Variants in ZRANB3 observed in about 807,000 individuals in gnomAD.
ZRANB3 encodes DNA annealing helicase and endonuclease ZRANB3.
A neutral mutation model predicts 133.8 loss-of-function variants in ZRANB3; 125 were observed. The observed-to-expected ratio is 0.93, with a 90% CI of 0.81 to 1.08. The LOEUF (loss-of-function observed/expected upper bound fraction) is 1.08, where lower values mean the gene tolerates loss of function less well. Among genes scored for constraint, ZRANB3 ranks in the 50% least tolerant of loss-of-function variants. The pLI is 0.00. For missense variants in ZRANB3, 1,229 were observed against 1,275.5 expected, an observed-to-expected ratio of 0.96 and a Z score of 0.56; for synonymous variants, 387 against 432.7, an observed-to-expected ratio of 0.89 and a Z score of 1.31.
chr2:135,335,692 CAAACA>C (rs554931885), intron 6 of ZRANB3, among the ~76,000 whole-genome samples: 99 of 151,806 alleles, frequency 6.5e-4, no homozygotes, highest in East Asian at 1.5e-3. Flanking sequence ...GACTCTGTCT[CAAACA>C]AAACAAAACA....
Position 135,366,656 on chromosome 2 carries a change from G to GA in ZRANB3, c.181-13029dup, listed in dbSNP as rs199654030. ...GTTTAAATTGAGTTAGGCAATAAAAGAAAAAAAAAGGACTACTAAGAAAAA... is the reference window on the plus strand; with the variant it reads ...GTTTAAATTGAGTTAGGCAATAAAAGAAAAAAAAAAGGACTACTAAGAAAAA... On this transcript the variant is annotated intron_variant, in intron 3 of 20. Transcript: ENST00000264159. Among the ~76,000 whole-genome samples the GA allele has an allele frequency of 1.2e-4, 18 of 148,424 alleles. No individual in the cohort carries two copies. In the South Asian group the frequency reaches 1.5e-3, roughly 12 times the overall value.
intron 18 of ZRANB3, among the ~76,000 whole-genome samples, chr2:135,208,405 A>G (rs1693968000): frequency 6.6e-6 from 1 of 152,254 alleles, no homozygotes; most frequent in Non-Finnish European, 1.5e-5. Context: ...ATGATAGGAT[A>G]CAAAACATGA....
In ZRANB3 at chr2:135,265,622, T is replaced by G. The variant is rs202055620; in HGVS notation, c.1451A>C (p.Lys484Thr). The G allele has an allele frequency of 5.1e-5, 82 of 1,613,624 alleles. No homozygotes were observed. Among genetic ancestry groups the G allele is most frequent in the Non-Finnish European group, 6.9e-5 (81 of 1,179,800 alleles). The change falls in exon 12 of 21, where the codon AAG (lysine) becomes ACG (threonine). Residue 484 changes from lysine (K) to threonine (T), a missense_variant. Coordinates refer to ENST00000264159, the MANE Select transcript of ZRANB3 (RefSeq NM_032143.4). ...AAACTGCAGGAAATCCCATTTTTCC[T>G]TATCACCTTCCTCAGCCTGAATTTT... ...KEKIQAEEGD[K>T]EKWDFLQFAE... is the part of the protein sequence containing the mutation.
intron 12 of ZRANB3, among the ~76,000 whole-genome samples, chr2:135,253,790 C>T (rs934950201): frequency 6.6e-6 from 1 of 152,278 alleles, no homozygotes; most frequent in East Asian, 1.9e-4. Flanking sequence ...CATATGTGAT[C>T]GTAGTTGACC....
At chr2:135,228,250 C>A in intron 13 of ZRANB3, 30 of 278,272 alleles carry the variant, frequency 1.1e-4, no homozygotes, top group East Asian at 2.1e-4. Flanking sequence ...CAGAGAAAGA[C>A]AATAAAATTA....
At position 135,198,841 on chromosome 2, in the gene ZRANB3, G is replaced by A. The variant is rs985141215; in HGVS notation, c.*1501C>T. ...GAAATAGAAACTGAGGAACAACTGT[G>A]GTTGTATAATCTTTGATTGTATAAT... On this transcript the variant is annotated 3_prime_UTR_variant, in exon 21 of 21. Coordinates refer to ENST00000264159, the MANE Select transcript of ZRANB3 (RefSeq NM_032143.4). 2.0e-5 allele frequency: 3 copies of A among 152,168 alleles called. No homozygotes were observed. In the South Asian group the frequency reaches 6.2e-4, roughly 32 times the overall value. 9.4% of individuals were successfully genotyped at this position (152,168 alleles called of 1,614,324 possible).
chr2:135,430,908 T>A (rs187576886), intron 2 of ZRANB3, among the ~76,000 whole-genome samples: 97 of 152,160 alleles, frequency 6.4e-4, no homozygotes, highest in Middle Eastern at 6.8e-3. Context: ...CCTCATACCA[T>A]ATACAAACTT....
At chr2:135,435,155 C>T (rs1012030963) in intron 2 of ZRANB3, among the ~76,000 whole-genome samples, 1 of 152,002 alleles carries the variant, frequency 6.6e-6, no homozygotes, top group African/African-American at 2.4e-5. Context: ...CCTCCCCCTT[C>T]GAGTAGACCC....
intron 2 of ZRANB3, among the ~76,000 whole-genome samples, chr2:135,484,207 A>G (rs1691984985): frequency 6.6e-6 from 1 of 152,168 alleles, no homozygotes; most frequent in African/African-American, 2.4e-5. Flanking sequence ...CAGACAGACA[A>G]TTAAAACAAA....
intron 15 of ZRANB3, among the ~76,000 whole-genome samples, chr2:135,221,683 AAAG>A (rs1694560191): frequency 6.6e-6 from 1 of 152,246 alleles, no homozygotes; most frequent in African/African-American, 2.4e-5. Flanking sequence ...GGCATGGCCT[AAAG>A]ATCCCCCAAC....
intron 3 of ZRANB3, among the ~76,000 whole-genome samples, chr2:135,387,841 A>G (rs938133325): frequency 6.6e-6 from 1 of 152,232 alleles, no homozygotes; most frequent in African/African-American, 2.4e-5. Flanking sequence ...CCAAATGTGA[A>G]AAGTGCTATG....
intron 6 of ZRANB3, among the ~76,000 whole-genome samples, chr2:135,335,200 C>T (rs998881351): frequency 6.6e-5 from 10 of 152,036 alleles, no homozygotes; most frequent in African/African-American, 2.4e-5. Context: ...ATTTAGACAA[C>T]GAATTCTCCT....
intron 2 of ZRANB3, among the ~76,000 whole-genome samples, chr2:135,484,511 T>C (rs752706974): frequency 2.6e-5 from 4 of 151,956 alleles, no homozygotes; most frequent in Non-Finnish European, 1.5e-5. Context: ...GACATAAATA[T>C]GAATTAATAA....
intron 3 of ZRANB3, among the ~76,000 whole-genome samples, chr2:135,385,499 A>G (rs911343625): frequency 7.2e-5 from 11 of 152,162 alleles, no homozygotes; most frequent in Non-Finnish European, 1.5e-4. Context: ...TAAAGTTCAT[A>G]TGGAACCAAA....
chr2:135,224,463 G>A lies in ZRANB3; in HGVS notation c.2213C>T (p.Ala738Val). ...GTGAATCCGGTCAGTATTCCTACTT[G>A]CACAGAACATTAAGGTGTCATACAC... ...LPVYDTLMFC[A>V]SRNTDRIHIY... The change falls in exon 15 of 21, where the codon GCA becomes GTA. Residue 738 changes from alanine (A) to valine (V), a missense_variant. Coordinates refer to ENST00000264159, the MANE Select transcript of ZRANB3 (RefSeq NM_032143.4). 6.2e-7 allele frequency: 1 copy of A among 1,613,310 alleles called. No individual in the cohort carries two copies. Among genetic ancestry groups the A allele is most frequent in the East Asian group, 2.2e-5 (1 of 44,828 alleles).
intron 11 of ZRANB3, among the ~76,000 whole-genome samples, chr2:135,268,727 A>G (rs1221659541): frequency 2.0e-5 from 3 of 152,182 alleles, no homozygotes; most frequent in Admixed American, 6.5e-5. Context: ...CTAAAGTAGT[A>G]GAAGGGCTTG....
At chr2:135,228,061 A>C in intron 13 of ZRANB3, 46 bp from the exon 14 acceptor site, 1 of 1,400,066 alleles carries the variant, frequency 7.1e-7, no homozygotes. Context: ...TTTACATTTA[A>C]AAGTAAAGTA....
chr2:135,261,667 C>A (rs1679971883), intron 12 of ZRANB3, among the ~76,000 whole-genome samples: 1 of 152,000 alleles, frequency 6.6e-6, no homozygotes, highest in African/African-American at 2.4e-5. Flanking sequence ...CTTTTGAAAA[C>A]AATAAACATA....
intron 6 of ZRANB3, among the ~76,000 whole-genome samples, chr2:135,326,178 T>C (rs1055247531): frequency 6.6e-6 from 1 of 152,144 alleles, no homozygotes; most frequent in Non-Finnish European, 1.5e-5. Context: ...ATTTCAACCT[T>C]TACTTCATTT....
Sources: gnomAD v4.1 joint callset for allele counts (sites outside exome capture counted in the v4.1 genomes callset) on GRCh38, gnomAD v4.1.1 for gene constraint, MANE v1.5 for transcripts, NCBI Gene and HGNC (gene_info 2026-07-23, HGNC 2026-07-21) for gene names.